Variants in FNBP4 observed in about 807,000 individuals in gnomAD.
FNBP4 encodes the protein formin binding protein 4.
In FNBP4, 34 loss-of-function variants were observed where a neutral mutation model predicts 119.3. That is an observed-to-expected ratio of 0.28 (90% confidence interval 0.22 to 0.38). The LOEUF (loss-of-function observed/expected upper bound fraction) is 0.38, where lower values mean the gene tolerates loss of function less well. FNBP4 is among the 10% of genes least tolerant of loss of function. FNBP4 has a pLI of 1.00. For synonymous variants in FNBP4, 462 were observed against 430.6 expected (o/e 1.07, Z -0.90); for missense variants, 1,112 against 1,228.9 (o/e 0.90, Z 1.42).
At chr11:47,734,184 T>A in intron 9 of FNBP4, 55 bp from the exon 10 acceptor site, 1 of 991,000 alleles carries the variant, frequency 1.0e-6, no homozygotes, top group Non-Finnish European at 1.5e-6. Context: ...TTTTCTGTAT[T>A]ATGTACAATC....
At chr11:47,750,687 T>TC (rs1565154189) in intron 6 of FNBP4, among the ~76,000 whole-genome samples, 1 of 15,134 alleles carries the variant, frequency 6.6e-5, no homozygotes, top group Non-Finnish European at 1.1e-4. Context: ...AGACTCTGTC[T>TC]CAAAAAAAAA....
chr11:47,744,302 C>T (rs1335601346), intron 7 of FNBP4, 139 bp from the exon 8 acceptor site: 3 of 743,452 alleles, frequency 4.0e-6, no homozygotes. Context: ...GAGACAGGCT[C>T]TCCCTCTGTT....
intron 15 of FNBP4, 83 bp from the exon 16 acceptor site, chr11:47,720,169 T>C: frequency 7.6e-7 from 1 of 1,318,502 alleles, no homozygotes; most frequent in Non-Finnish European, 1.0e-6. Context: ...CAGGATCCTT[T>C]TCCCAGTTCT....
Position 47,730,080 on chromosome 11 carries a change from A to G in FNBP4, c.2008+1294T>C, listed in dbSNP as rs1250596200. ...CTAAAGTGTTCACAGAACATTCAGA[A>G]TTGGTAACAGTGGAATTTTCAACTT... On this transcript the variant is annotated intron_variant, in intron 12 of 16. Coordinates refer to ENST00000263773, the MANE Select transcript of FNBP4 (RefSeq NM_015308.5). 5 of 985,348 alleles carry G rather than the reference A, an allele frequency of 5.1e-6. No homozygotes were observed. In the African/African-American group the frequency reaches 8.7e-5, roughly 17 times the overall value. 61.0% of individuals were successfully genotyped at this position (985,348 alleles called of 1,614,324 possible).
At chr11:47,756,700 C>T (rs907795012) in intron 2 of FNBP4, among the ~76,000 whole-genome samples, 2 of 150,300 alleles carry the variant, frequency 1.3e-5, no homozygotes, top group African/African-American at 2.4e-5. Flanking sequence ...CCCCCACCCC[C>T]GACCCCATGA....
At chr11:47,731,152 GTTAGCCTATC>G (rs1034260223) in intron 12 of FNBP4, 1 of 420,228 alleles carries the variant, frequency 2.4e-6, no homozygotes. Context: ...ATCAAAATCT[GTTAGCCTATC>G]TTTTCACTTT....
rs1332646890 is a variant in FNBP4 at position 47,717,398 on chromosome 11, A to T, written c.*24T>A. 2.0e-6 allele frequency: 3 copies of T among 1,531,056 alleles called. No homozygotes were observed. In the South Asian group the frequency reaches 3.4e-5, roughly 18 times the overall value. 94.8% of individuals were successfully genotyped at this position (1,531,056 alleles called of 1,614,324 possible). On this transcript the variant is annotated 3_prime_UTR_variant, in exon 17 of 17. Transcript: ENST00000263773. The stretch of plus-strand genomic sequence containing the variant: ...CTGAACACAAAACAAACAATAATAC[A>T]AAAAAGTTTTAAAAACTTAAAAACT...
chr11:47,754,814 GAAT>G lies in FNBP4; in HGVS notation c.314-153_314-151del, dbSNP rs1414985181. ...TAATAATCACTGAACTACCACAGAA[GAAT>G]AAATTACATCGTATGGTTAAAGCTA... On this transcript the variant is annotated intron_variant, in intron 2 of 16. Coordinates refer to ENST00000263773, the MANE Select transcript of FNBP4 (RefSeq NM_015308.5). 5 of 823,996 alleles carry G rather than the reference GAAT, an allele frequency of 6.1e-6. No individual in the cohort carries two copies. In the African/African-American group the frequency reaches 7.0e-5, roughly 12 times the overall value. 51.0% of individuals were successfully genotyped at this position (823,996 alleles called of 1,614,324 possible). A position where few individuals can be genotyped will look rare whatever the true frequency, so the allele number is the denominator to read the frequency against.
rs1369479854 is a variant in FNBP4 at position 47,736,709 on chromosome 11, A to G, written c.1488T>C (p.Asp496=). 5.0e-6 allele frequency: 8 copies of G among 1,603,600 alleles called. No homozygotes were observed. Among genetic ancestry groups the G allele is most frequent in the Non-Finnish European group, 6.0e-6 (7 of 1,172,812 alleles). Residue 496 remains aspartate (D), a synonymous_variant, in exon 9 of 17, where the codon GAT becomes GAC. Transcript: ENST00000263773. ...CTTCCATCTCTTTATCTGAATTCTC[A>G]TCTATTTTTTCTGAATTTTCAGCAC... ...AIGAENSEKI[D]ENSDKEMEVE...
chr11:47,722,055 G>GAAAAAAAAAAAAAAAAA (rs370004936), intron 15 of FNBP4, among the ~76,000 whole-genome samples: 2 of 53,330 alleles, frequency 3.8e-5, no homozygotes, highest in African/African-American at 1.1e-4. Flanking sequence ...AAAAAAAAAG[G>GAAAAAAAAAAAAAAAAA]AAAAAAAAAT....
intron 14 of FNBP4, 147 bp downstream of exon 14, chr11:47,723,881 T>TG: frequency 6.1e-6 from 4 of 652,428 alleles, no homozygotes; most frequent in Non-Finnish European, 6.8e-6. Context: ...TGTCAAAAGT[T>TG]TTTTTTTTTT....
chr11:47,753,610 C>CAA (rs201160614), intron 3 of FNBP4, among the ~76,000 whole-genome samples: 5 of 148,258 alleles, frequency 3.4e-5, no homozygotes, highest in African/African-American at 1.2e-4. Flanking sequence ...GACTCTGTCT[C>CAA]AAAAAAAACA....
At position 47,765,851 on chromosome 11, in the gene FNBP4, C is replaced by CTTTTTTTTTTTTT. The variant is rs1167976570; in HGVS notation, c.221-502_221-490dup. ...GAGATAATAAACACAGAGCTGGAAT[C>CTTTTTTTTTTTTT]TTTTTTTTTTTTTTTTTTTGAGACG... is the stretch of plus-strand genomic sequence containing the variant. On this transcript the variant is annotated intron_variant, in intron 1 of 16. Transcript: ENST00000263773. 1.9e-4 allele frequency among the ~76,000 whole-genome samples: 16 copies of CTTTTTTTTTTTTT among 82,190 alleles called. 1 individual carries two copies. The highest frequency in any genetic ancestry group is 4.5e-4 in the East Asian group (1 of 2,212). The allele number at this position is 82,190 out of a possible 152,430, so 53.9% of individuals were successfully genotyped here. A position where few individuals can be genotyped will look rare whatever the true frequency, so the allele number is the denominator to read the frequency against.
chr11:47,732,438 C>T lies in FNBP4; in HGVS notation c.1820+99G>A. On this transcript the variant is annotated intron_variant, in intron 11 of 16. Transcript: ENST00000263773. The surrounding 1 kb of genome is among the most constrained non-coding windows in gnomAD (Gnocchi z 4.2). ...CAGCACCGCTAACTGCAGCTGCTCT[C>T]AGTCTCCAGACAGGCTGTCATGTCG... The T allele has an allele frequency of 6.4e-7, 1 of 1,570,714 alleles. No individual in the cohort carries two copies. The highest frequency in any genetic ancestry group is 8.6e-7 in the Non-Finnish European group (1 of 1,156,850).
At chr11:47,741,628 C>T (rs915219600) in intron 8 of FNBP4, among the ~76,000 whole-genome samples, 4 of 151,412 alleles carry the variant, frequency 2.6e-5, no homozygotes, top group Admixed American at 2.0e-4. Context: ...ACAGCCTGGC[C>T]AAGATGGTGA....
intron 12 of FNBP4, chr11:47,730,093 G>T (rs1035740333): frequency 1.0e-6 from 1 of 985,282 alleles, no homozygotes; most frequent in African/African-American, 1.7e-5. Flanking sequence ...GGTAACAGTG[G>T]AATTTTCAAC....
chr11:47,745,657 T>G (rs1397924683), intron 7 of FNBP4, among the ~76,000 whole-genome samples: 1 of 152,064 alleles, frequency 6.6e-6, no homozygotes, highest in Non-Finnish European at 1.5e-5. Context: ...TTCTTACACC[T>G]CCTCCCCTTT....
intron 12 of FNBP4, chr11:47,730,142 G>A: frequency 3.0e-6 from 3 of 985,326 alleles, no homozygotes; most frequent in Non-Finnish European, 3.6e-6. Flanking sequence ...GGTCAGGAGT[G>A]GAGCCACCTA....
intron 9 of FNBP4, among the ~76,000 whole-genome samples, chr11:47,736,253 G>A (rs80044303): frequency 6.3e-4 from 91 of 143,784 alleles, no homozygotes; most frequent in Non-Finnish European, 7.4e-4. Context: ...GAAAAAAAAA[G>A]AAAAAAAAAA....
Sources: gnomAD v4.1 joint callset for allele counts (sites outside exome capture counted in the v4.1 genomes callset) on GRCh38, gnomAD v4.1.1 for gene constraint, Gnocchi (gnomAD v3.1) non-coding constraint, MANE v1.5 for transcripts, NCBI Gene and HGNC (gene_info 2026-07-23, HGNC 2026-07-21) for gene names.